The following AFF2 variants were observed in gnomAD, a reference collection of about 807,000 sequenced individuals.
AFF2 encodes AF4/FMR2 family member 2.
In AFF2, 14 loss-of-function variants were observed where a neutral mutation model predicts 76.9. The observed-to-expected ratio is 0.18, with a 90% CI of 0.12 to 0.28. AFF2 has a LOEUF of 0.28. AFF2 is among the 10% of genes least tolerant of loss of function. The pLI is 1.00. For missense variants in AFF2, 868 were observed against 1,001.1 expected (o/e 0.87, Z 1.79); for synonymous variants, 398 against 366.7 (o/e 1.09, Z -0.98).
intron 1 of AFF2, among the ~76,000 whole-genome samples, chrX:148,579,083 A>G (rs2053323770): frequency 8.9e-6 from 1 of 112,002 alleles, no homozygotes; most frequent in Non-Finnish European, 1.9e-5. Context: ...AGCATCAGAC[A>G]TTAGGGCTCT....
intron 5 of AFF2, among the ~76,000 whole-genome samples, chrX:148,841,077 G>A (rs1367189261): frequency 8.9e-6 from 1 of 111,946 alleles, no homozygotes; most frequent in Non-Finnish European, 1.9e-5. Flanking sequence ...TTGTTTAGGT[G>A]TAAAGTCCAA....
intron 9 of AFF2, among the ~76,000 whole-genome samples, chrX:148,938,667 T>A (rs1156745154): frequency 1.8e-5 from 2 of 112,200 alleles, no homozygotes; most frequent in African/African-American, 6.5e-5. Flanking sequence ...GATTAAAATA[T>A]CTTTATGTTT....
intron 1 of AFF2, among the ~76,000 whole-genome samples, chrX:148,509,589 A>T (rs1008725130): frequency 8.1e-4 from 91 of 112,404 alleles, no homozygotes; most frequent in African/African-American, 2.8e-3. Context: ...GAAATAATTG[A>T]AACAAGTGTT....
At chrX:148,741,500 GC>G (rs1283581737) in intron 3 of AFF2, among the ~76,000 whole-genome samples, 1 of 110,644 alleles carries the variant, frequency 9.0e-6, no homozygotes, top group African/African-American at 3.3e-5. Flanking sequence ...TCCCCCAACA[GC>G]CCCAAGTCTG....
chrX:148,867,371 C>A (rs1420995122), intron 7 of AFF2, among the ~76,000 whole-genome samples: 4 of 112,024 alleles, frequency 3.6e-5, no homozygotes, highest in Non-Finnish European at 7.5e-5. Flanking sequence ...CATCTGTGCA[C>A]CAGTCTGGTA....
At chrX:148,808,799 G>A (rs146303351) in intron 3 of AFF2, among the ~76,000 whole-genome samples, 335 of 112,076 alleles carry the variant, frequency 3.0e-3, no homozygotes, top group African/African-American at 7.5e-3. Context: ...AAGATTTGCT[G>A]TATTGTTTAA....
intron 1 of AFF2, among the ~76,000 whole-genome samples, chrX:148,582,050 C>T (rs1557245196): frequency 1.8e-5 from 2 of 111,520 alleles, no homozygotes; most frequent in Non-Finnish European, 3.8e-5. Context: ...AGTTATTTTG[C>T]AAAGTGTCCT....
intron 7 of AFF2, among the ~76,000 whole-genome samples, chrX:148,864,700 G>A (rs1009489218): frequency 3.6e-5 from 4 of 111,941 alleles, no homozygotes; most frequent in Non-Finnish European, 7.5e-5. Flanking sequence ...GGAACTGGAC[G>A]TGTTTTTGCA....
intron 9 of AFF2, among the ~76,000 whole-genome samples, chrX:148,951,813 C>CT (rs1219798598): frequency 9.7e-6 from 1 of 103,324 alleles, no homozygotes; most frequent in African/African-American, 4.2e-5. Flanking sequence ...GGTCTCCTCC[C>CT]TTTCCCCCCC....
intron 3 of AFF2, among the ~76,000 whole-genome samples, chrX:148,779,058 G>A (rs975078824): frequency 1.8e-5 from 2 of 111,222 alleles, no homozygotes; most frequent in East Asian, 5.6e-4. Context: ...GTTCTCATTG[G>A]TTTCAAAAAA....
At chrX:148,551,343 C>A (rs2052987545) in intron 1 of AFF2, among the ~76,000 whole-genome samples, 1 of 108,967 alleles carries the variant, frequency 9.2e-6, no homozygotes, top group Non-Finnish European at 1.9e-5. Flanking sequence ...ACAATATGGG[C>A]ATAGAGATTT....
chrX:148,580,825 A>G (rs2053347719), intron 1 of AFF2, among the ~76,000 whole-genome samples: 1 of 108,463 alleles, frequency 9.2e-6, no homozygotes, highest in African/African-American at 3.4e-5. Context: ...TTCTTAATGT[A>G]AATAACAAAT....
chrX:148,522,645 T>C (rs1209670717), intron 1 of AFF2, among the ~76,000 whole-genome samples: 1 of 112,264 alleles, frequency 8.9e-6, no homozygotes, highest in African/African-American at 3.2e-5. Flanking sequence ...ATACAATTGC[T>C]GGTACAGTTG....
rs186588363 is a variant in AFF2 at position 148,930,661 on chromosome X, C to T, written c.1398-22919C>T. On this transcript the variant is annotated intron_variant, in intron 9 of 20. Transcript: ENST00000370460. The stretch of plus-strand genomic sequence containing the variant: ...TTTCAATTGCGTTGGTCCCAAACCA[C>T]GTATGTGTATCACAAATAAAGCAAG... Among the ~76,000 whole-genome samples the T allele has an allele frequency of 1.2e-3, 136 of 112,448 alleles. 1 individual carries two copies. Among genetic ancestry groups the T allele is most frequent in the Non-Finnish European group, 2.2e-3 (117 of 53,295 alleles).
intron 1 of AFF2, among the ~76,000 whole-genome samples, chrX:148,518,487 G>A (rs191601066): frequency 8.9e-6 from 1 of 112,556 alleles, no homozygotes; most frequent in African/African-American, 3.2e-5. Context: ...TTTGTGTTCT[G>A]CCCTGAGCAA....
At chrX:148,953,795 C>T in intron 10 of AFF2, 56 bp downstream of exon 10, 1 of 916,673 alleles carries the variant, frequency 1.1e-6, no homozygotes, top group Non-Finnish European at 1.5e-6. Flanking sequence ...AGGCAGCACC[C>T]TCAACACACA....
intron 9 of AFF2, among the ~76,000 whole-genome samples, chrX:148,921,791 C>A (rs2071598960): frequency 8.9e-6 from 1 of 112,124 alleles, no homozygotes; most frequent in Non-Finnish European, 1.9e-5. Flanking sequence ...CATTGAACAT[C>A]TTGTGGATTA....
chrX:148,506,867 A>G (rs2052425811), intron 1 of AFF2, among the ~76,000 whole-genome samples: 1 of 112,208 alleles, frequency 8.9e-6, no homozygotes. Context: ...ACGGAAGTTC[A>G]GAGAGGTTAA....
chrX:148,611,957 A>G (rs1321676612), intron 1 of AFF2, among the ~76,000 whole-genome samples: 1 of 111,988 alleles, frequency 8.9e-6, no homozygotes, highest in African/African-American at 3.2e-5. Context: ...CCTTAAATAC[A>G]TATTTCTTGA....
Sources: allele counts gnomAD v4.1 joint callset (sites outside exome capture counted in the v4.1 genomes callset), GRCh38; gene constraint gnomAD v4.1.1; transcripts MANE v1.5; gene names NCBI Gene and HGNC (gene_info 2026-07-23, HGNC 2026-07-21).